ANKRD17: variants seen among roughly 807,000 people sequenced by gnomAD.
ANKRD17 encodes ankyrin repeat domain-containing protein 17.
Under a neutral mutation model 229.7 loss-of-function variants are expected in ANKRD17, and 19 were observed. The observed-to-expected ratio is 0.08, with a 90% CI of 0.06 to 0.12. The LOEUF (loss-of-function observed/expected upper bound fraction) is 0.12, where lower values mean the gene tolerates loss of function less well. Ranked by LOEUF, ANKRD17 falls within the 10% of genes least tolerant of loss-of-function variation. The pLI is 1.00. For missense variants in ANKRD17, 2,176 were observed against 3,176.8 expected, an observed-to-expected ratio of 0.68 and a Z score of 7.57; for synonymous variants, 1,112 against 1,146.1, an observed-to-expected ratio of 0.97 and a Z score of 0.60.
At chr4:73,165,291 C>T (rs1035715602) in intron 2 of ANKRD17, among the ~76,000 whole-genome samples, 1 of 152,112 alleles carries the variant, frequency 6.6e-6, no homozygotes, top group African/African-American at 2.4e-5. Flanking sequence ...AGTAATCAGA[C>T]ACAAGTTTTC....
At chr4:73,147,754 GATA>G (rs1284767379) in intron 8 of ANKRD17, among the ~76,000 whole-genome samples, 8 of 151,968 alleles carry the variant, frequency 5.3e-5, no homozygotes, top group African/African-American at 1.2e-4. Context: ...AGATACTGGT[GATA>G]ATGATGATGA....
At chr4:73,217,633 A>C (rs998376895) in intron 1 of ANKRD17, among the ~76,000 whole-genome samples, 9 of 152,030 alleles carry the variant, frequency 5.9e-5, no homozygotes, top group African/African-American at 2.2e-4. Context: ...AATTGCTGTG[A>C]TTACAGGCAC....
At chr4:73,194,857 G>A (rs1392643196) in intron 1 of ANKRD17, among the ~76,000 whole-genome samples, 1 of 151,214 alleles carries the variant, frequency 6.6e-6, no homozygotes, top group Non-Finnish European at 1.5e-5. Context: ...CTCATTAACT[G>A]TTTTTTTTAG....
At chr4:73,232,922 C>T (rs992603296) in intron 1 of ANKRD17, among the ~76,000 whole-genome samples, 3 of 152,116 alleles carry the variant, frequency 2.0e-5, no homozygotes, top group African/African-American at 7.2e-5. Flanking sequence ...AGGATTTCAC[C>T]ATGTTGGCCA....
At chr4:73,211,456 C>G (rs545549706) in intron 1 of ANKRD17, among the ~76,000 whole-genome samples, 2 of 152,240 alleles carry the variant, frequency 1.3e-5, no homozygotes, top group South Asian at 2.1e-4. Context: ...TAAAATAACA[C>G]AGTAAAACAG....
intron 18 of ANKRD17, among the ~76,000 whole-genome samples, chr4:73,124,592 C>G (rs1278510135): frequency 6.6e-6 from 1 of 152,138 alleles, no homozygotes; most frequent in Non-Finnish European, 1.5e-5. Context: ...ATGCCATGTA[C>G]TATAGGGCAG....
chr4:73,256,779 A>G (rs1745491988), intron 1 of ANKRD17, among the ~76,000 whole-genome samples: 1 of 152,236 alleles, frequency 6.6e-6, no homozygotes, highest in African/African-American at 2.4e-5. Context: ...TATCCTAAAC[A>G]TCCAAGTAGG....
intron 33 of ANKRD17, 83 bp from the exon 34 acceptor site, chr4:73,076,373 G>T: frequency 1.8e-6 from 2 of 1,089,756 alleles, no homozygotes; most frequent in Non-Finnish European, 2.5e-6. Flanking sequence ...AACTAAGGAG[G>T]TACTCTTCAA....
In ANKRD17 at chr4:73,187,301, G is replaced by A. The variant is rs143795299; in HGVS notation, c.394-9768C>T. ...GAAGAAAAACCCATCCAAGAAAGGG[G>A]CAGCCTTGGAATTGCAAGACTAAGC... On this transcript the variant is annotated intron_variant, in intron 1 of 33. Coordinates refer to ENST00000358602, the MANE Select transcript of ANKRD17 (RefSeq NM_032217.5). Among the ~76,000 whole-genome samples the A allele has an allele frequency of 1.3e-3, 197 of 152,240 alleles. 1 individual carries two copies. The highest frequency in any genetic ancestry group is 4.5e-3 in the African/African-American group (188 of 41,544).
chr4:73,253,497 A>G (rs987429818), intron 1 of ANKRD17, among the ~76,000 whole-genome samples: 2 of 152,364 alleles, frequency 1.3e-5, no homozygotes, highest in Middle Eastern at 3.4e-3. Context: ...TAACAATGTT[A>G]TAAGGTAGAA....
intron 2 of ANKRD17, among the ~76,000 whole-genome samples, chr4:73,168,177 A>C (rs1163401489): frequency 6.6e-6 from 1 of 152,006 alleles, no homozygotes. Flanking sequence ...AAAAAAATTT[A>C]CTGTATTACA....
chr4:73,203,771 A>G (rs1235032091), intron 1 of ANKRD17, among the ~76,000 whole-genome samples: 2 of 151,118 alleles, frequency 1.3e-5, no homozygotes, highest in Admixed American at 6.6e-5. Context: ...AAAAAAAAAA[A>G]AAAAAAAAGA....
intron 26 of ANKRD17, among the ~76,000 whole-genome samples, chr4:73,097,869 T>G (rs559717384): frequency 2.6e-5 from 4 of 151,760 alleles, no homozygotes; most frequent in African/African-American, 7.3e-5. Flanking sequence ...AAAAAAGAAA[T>G]TACATAGTAA....
At chr4:73,237,774 G>A (rs1743641208) in intron 1 of ANKRD17, among the ~76,000 whole-genome samples, 1 of 152,108 alleles carries the variant, frequency 6.6e-6, no homozygotes. Context: ...AAAAGGATGT[G>A]CATTTCCCAT....
chr4:73,202,459 T>C (rs115105815), intron 1 of ANKRD17, among the ~76,000 whole-genome samples: 322 of 151,832 alleles, frequency 2.1e-3, no homozygotes, highest in African/African-American at 7.3e-3. Context: ...AAAAGAACTA[T>C]TGAGGAGCTG....
chr4:73,153,639 T>C (rs966752051), intron 6 of ANKRD17, among the ~76,000 whole-genome samples: 1 of 152,192 alleles, frequency 6.6e-6, no homozygotes, highest in African/African-American at 2.4e-5. Flanking sequence ...AAAAGAACTG[T>C]TTCTGATAAA....
chr4:73,241,578 C>G (rs1744043710), intron 1 of ANKRD17, among the ~76,000 whole-genome samples: 1 of 151,966 alleles, frequency 6.6e-6, no homozygotes, highest in South Asian at 2.1e-4. Flanking sequence ...TCAAATAAAC[C>G]ACTTACTCTA....
intron 18 of ANKRD17, among the ~76,000 whole-genome samples, chr4:73,123,009 T>C (rs547378962): frequency 1.6e-4 from 25 of 152,176 alleles, no homozygotes; most frequent in African/African-American, 5.1e-4. Flanking sequence ...ACCTCTTCTA[T>C]TGACACCAAA....
At position 73,248,934 on chromosome 4, in the gene ANKRD17, T is replaced by A. The variant is rs1261069833; in HGVS notation, c.393+9342A>T. ...AAGACTGTTTTCATTATTAATGCCA[T>A]TAAAAAAATAAACATGGCACAGAGA... is the stretch of plus-strand genomic sequence containing the variant. On this transcript the variant is annotated intron_variant, in intron 1 of 33. Coordinates refer to ENST00000358602, the MANE Select transcript of ANKRD17 (RefSeq NM_032217.5). 2.0e-5 allele frequency among the ~76,000 whole-genome samples: 3 copies of A among 151,958 alleles called. No homozygotes were observed. In the East Asian group the frequency reaches 5.8e-4, roughly 29 times the overall value.
Sources: gnomAD v4.1 joint callset for allele counts (sites outside exome capture counted in the v4.1 genomes callset) on GRCh38, gnomAD v4.1.1 for gene constraint, MANE v1.5 for transcripts, NCBI Gene and HGNC (gene_info 2026-07-23, HGNC 2026-07-21) for gene names.